AIG1: variants seen among roughly 807,000 people sequenced by gnomAD.
AIG1 encodes androgen induced 1.
Under a neutral mutation model 31.4 loss-of-function variants are expected in AIG1, and 23 were observed. That is an observed-to-expected ratio of 0.73 (90% confidence interval 0.53 to 1.04). The LOEUF is 1.04. Ranked by LOEUF, AIG1 falls within the 50% of genes least tolerant of loss-of-function variation. The probability of loss-of-function intolerance (pLI) is 0.00; values close to 1 mark genes in which losing one functional copy is unlikely to be tolerated. For missense variants in AIG1, 274 were observed against 295.0 expected, an observed-to-expected ratio of 0.93 and a Z score of 0.52; for synonymous variants, 100 against 110.5, an observed-to-expected ratio of 0.90 and a Z score of 0.60.
intron 3 of AIG1, among the ~76,000 whole-genome samples, chr6:143,267,744 G>A (rs1313969498): frequency 6.6e-6 from 1 of 152,146 alleles, no homozygotes; most frequent in African/African-American, 2.4e-5. Flanking sequence ...TGGGCCTGAA[G>A]ACAAAAGTTG....
At chr6:143,205,476 T>A (rs755245348) in intron 3 of AIG1, among the ~76,000 whole-genome samples, 2 of 152,226 alleles carry the variant, frequency 1.3e-5, no homozygotes, top group Non-Finnish European at 2.9e-5. Context: ...TTTAAAGGAA[T>A]GTTTCTCTTT....
At position 143,299,647 on chromosome 6, in the gene AIG1, C is replaced by T. The variant is rs910056633; in HGVS notation, c.515+15422C>T. 2.0e-5 allele frequency: 3 copies of T among 152,176 alleles called. No homozygotes were observed. Among genetic ancestry groups the T allele is most frequent in the East Asian group, 3.8e-4 (2 of 5,198 alleles). The allele number at this position is 152,176 out of a possible 1,614,324, so 9.4% of individuals were successfully genotyped here. Reference sequence around the variant, plus strand: ...GCCACTGAGAGGGTCTGATTGAATTCGAAAACCACAGTATGATGCTGCACA... The same window carrying T: ...GCCACTGAGAGGGTCTGATTGAATTTGAAAACCACAGTATGATGCTGCACA... On this transcript the variant is annotated intron_variant, in intron 4 of 5. Transcript: ENST00000357847. This position sits in a 1 kb window ranked among gnomAD's most constrained non-coding sequence, Gnocchi z 4.1.
chr6:143,187,675 C>G (rs1188990949), intron 3 of AIG1: 2 of 1,536,118 alleles, frequency 1.3e-6, no homozygotes, highest in Admixed American at 2.0e-5. Flanking sequence ...AAACGCCCAT[C>G]TGACTTTGAA....
chr6:143,334,035 T>A lies in AIG1; in HGVS notation c.679+590T>A. ...ATATTTCGTGGCTGGAAAAACTCTT[T>A]TAACCTGTGATTTGATTTCTCTTTT... On this transcript the variant is annotated intron_variant, in intron 5 of 5. Coordinates refer to ENST00000357847, the MANE Select transcript of AIG1 (RefSeq NM_016108.4). The surrounding 1 kb of genome is among the most constrained non-coding windows in gnomAD (Gnocchi z 5.1). 6.5e-7 allele frequency: 1 copy of A among 1,548,780 alleles called. No homozygotes were observed. Among genetic ancestry groups the A allele is most frequent in the South Asian group, 1.2e-5 (1 of 83,868 alleles).
intron 3 of AIG1, among the ~76,000 whole-genome samples, chr6:143,181,298 T>C (rs1788694979): frequency 6.6e-6 from 1 of 152,198 alleles, no homozygotes; most frequent in South Asian, 2.1e-4. Context: ...TCTAGGACTC[T>C]CAAATGGACC....
intron 1 of AIG1, among the ~76,000 whole-genome samples, chr6:143,109,098 G>C (rs6932133): frequency 0.055 from 8,200 of 149,408 alleles, 664 homozygotes; most frequent in African/African-American, 0.19. Flanking sequence ...TAGGAATCAT[G>C]CAGCTTACGT....
chr6:143,183,196 CTTTT>C (rs35379724), intron 3 of AIG1, among the ~76,000 whole-genome samples: 1 of 132,860 alleles, frequency 7.5e-6, no homozygotes, highest in Non-Finnish European at 1.6e-5. Flanking sequence ...CGGACAATGG[CTTTT>C]TTTTTTTTTT....
intron 1 of AIG1, among the ~76,000 whole-genome samples, chr6:143,096,939 C>A (rs1432503301): frequency 6.7e-6 from 1 of 150,186 alleles, no homozygotes; most frequent in African/African-American, 2.4e-5. Context: ...ATGATTTTTT[C>A]CATCTTATAC....
At chr6:143,254,386 CAACTT>C (rs1795222920) in intron 3 of AIG1, among the ~76,000 whole-genome samples, 1 of 152,130 alleles carries the variant, frequency 6.6e-6, no homozygotes, top group African/African-American at 2.4e-5. Flanking sequence ...AAATTTAAAA[CAACTT>C]AAGTTATTTA....
At chr6:143,154,621 C>T (rs747908279) in intron 2 of AIG1, among the ~76,000 whole-genome samples, 7 of 151,988 alleles carry the variant, frequency 4.6e-5, no homozygotes, top group Non-Finnish European at 8.8e-5. Context: ...TGTGTGATAC[C>T]GCTCCCACCT....
In AIG1 at chr6:143,208,099, G is replaced by A. The variant is rs576438642; in HGVS notation, c.399+42916G>A. Reference sequence around the variant, plus strand: ...TGCACTGTAGAGGCTTTTGCTTCATGTGAGTAAGACTGGCCTCCTTGAATG... The same window carrying A: ...TGCACTGTAGAGGCTTTTGCTTCATATGAGTAAGACTGGCCTCCTTGAATG... On this transcript the variant is annotated intron_variant, in intron 3 of 5. Coordinates refer to ENST00000357847, the MANE Select transcript of AIG1 (RefSeq NM_016108.4). Among the ~76,000 whole-genome samples the A allele has an allele frequency of 3.3e-5, 5 of 152,310 alleles. No individual in the cohort carries two copies. In the East Asian group the frequency reaches 5.8e-4, roughly 18 times the overall value.
intron 2 of AIG1, among the ~76,000 whole-genome samples, chr6:143,158,652 AG>A (rs1786029269): frequency 6.6e-6 from 1 of 152,180 alleles, no homozygotes; most frequent in Non-Finnish European, 1.5e-5. Flanking sequence ...TAAGCAGGTG[AG>A]GGACGAGCTA....
intron 3 of AIG1, among the ~76,000 whole-genome samples, chr6:143,273,289 G>T (rs1796667655): frequency 6.6e-6 from 1 of 152,150 alleles, no homozygotes; most frequent in African/African-American, 2.4e-5. Context: ...AAAATCCTAG[G>T]TTATTGTTTT....
intron 4 of AIG1, among the ~76,000 whole-genome samples, chr6:143,312,370 A>G (rs1385483339): frequency 6.6e-6 from 1 of 152,104 alleles, no homozygotes; most frequent in Non-Finnish European, 1.5e-5. Context: ...GACACAGATC[A>G]ATGAAACAGA....
At chr6:143,145,348 A>G (rs1206684481) in intron 2 of AIG1, among the ~76,000 whole-genome samples, 3 of 152,064 alleles carry the variant, frequency 2.0e-5, no homozygotes, top group African/African-American at 4.8e-5. Context: ...AGACTTGTAC[A>G]TTTTCTATTA....
Position 143,284,117 on chromosome 6 carries a change from C to A in AIG1, c.407C>A (p.Thr136Lys), listed in dbSNP as rs148165797. 1.2e-6 allele frequency: 2 copies of A among 1,612,792 alleles called. No homozygotes were observed. The highest frequency in any genetic ancestry group is 1.1e-5 in the South Asian group (1 of 90,988). ...GTCTCTGTTATTTTCCAGCACACGACGGTTCTGCCCTTTATATTAATCGAG... is the reference window on the plus strand; with the variant it reads ...GTCTCTGTTATTTTCCAGCACACGAAGGTTCTGCCCTTTATATTAATCGAG... ...PGWLNHGMHT[T>K]VLPFILIEMR... The change falls in exon 4 of 6, where the codon ACG becomes AAG. Residue 136 changes from threonine to lysine, a missense_variant. Thr to Lys is a moderately conservative substitution (Grantham distance 78). Transcript: ENST00000357847. The surrounding 1 kb of genome is among the most constrained non-coding windows in gnomAD (Gnocchi z 4.4).
chr6:143,207,853 G>C (rs965872277), intron 3 of AIG1, among the ~76,000 whole-genome samples: 4 of 152,108 alleles, frequency 2.6e-5, no homozygotes, highest in African/African-American at 9.7e-5. Context: ...AACATTGACA[G>C]ACATAATTCA....
intron 2 of AIG1, among the ~76,000 whole-genome samples, chr6:143,143,473 C>G (rs1784403733): frequency 1.7e-5 from 2 of 118,388 alleles, no homozygotes; most frequent in African/African-American, 6.4e-5. Flanking sequence ...CACACTCCAG[C>G]CTGGGTGACA....
At position 143,190,233 on chromosome 6, in the gene AIG1, G is replaced by A. The variant is rs1040781912; in HGVS notation, c.399+25050G>A. ...GTACAACAAAGAACATCAACCATAA[G>A]GAACACCATGACTTCTGATATTTAA... On this transcript the variant is annotated intron_variant, in intron 3 of 5. Coordinates refer to ENST00000357847, the MANE Select transcript of AIG1 (RefSeq NM_016108.4). The A allele has an allele frequency of 2.0e-5, 20 of 985,346 alleles. No homozygotes were observed. In the African/African-American group the frequency reaches 3.5e-4, roughly 17 times the overall value. 61.0% of individuals were successfully genotyped at this position (985,346 alleles called of 1,614,324 possible).
Sources: allele counts gnomAD v4.1 joint callset (sites outside exome capture counted in the v4.1 genomes callset), GRCh38; gene constraint gnomAD v4.1.1; non-coding constraint Gnocchi (gnomAD v3.1); transcripts MANE v1.5; gene names NCBI Gene and HGNC (gene_info 2026-07-23, HGNC 2026-07-21).